Variants in SPNS3 observed in about 807,000 individuals in gnomAD.
The protein encoded by SPNS3 is protein spinster homolog 3.
SPNS3 carries 51 observed loss-of-function variants against 54.4 expected under a neutral mutation model. That is an observed-to-expected ratio of 0.94 (90% CI 0.75 to 1.18). The LOEUF is 1.18. Ranked by LOEUF, SPNS3 falls within the 50% of genes most tolerant of loss-of-function variation. The pLI, the probability that SPNS3 is intolerant of heterozygous loss-of-function variation, is 0.00. For missense variants in SPNS3, 669 were observed against 677.4 expected (o/e 0.99, Z 0.14); for synonymous variants, 309 against 294.7 (o/e 1.05, Z -0.50).
intron 7 of SPNS3, among the ~76,000 whole-genome samples, chr17:4,449,958 C>T (rs868484677): frequency 1.8e-4 from 28 of 152,132 alleles, no homozygotes; most frequent in Admixed American, 3.3e-4. Context: ...GCCTTTGACC[C>T]TGTTCTCCAA....
intron 8 of SPNS3, among the ~76,000 whole-genome samples, chr17:4,455,494 C>T (rs930959767): frequency 1.4e-4 from 21 of 152,192 alleles, no homozygotes; most frequent in Admixed American, 7.2e-4. Context: ...GTTTTGGGGT[C>T]TCTGGCCCTG....
chr17:4,483,165 TG>T lies in SPNS3; in HGVS notation c.1180-3058del, dbSNP rs1182394883. Among the ~76,000 whole-genome samples the T allele has an allele frequency of 1.3e-5, 2 of 152,028 alleles. No individual in the cohort carries two copies. Among genetic ancestry groups the T allele is most frequent in the Non-Finnish European group, 2.9e-5 (2 of 68,000 alleles). The stretch of plus-strand genomic sequence containing the variant: ...GGGGCGTCTGGGGGCGAGGCCTGGG[TG>T]GGGGTGCAGGAGGCAGGCTGCCTGG... On this transcript the variant is annotated intron_variant, in intron 9 of 11. Coordinates refer to ENST00000355530, the MANE Select transcript of SPNS3 (RefSeq NM_182538.5). The surrounding 1 kb of genome is among the most constrained non-coding windows in gnomAD (Gnocchi z 4.2).
chr17:4,454,113 C>G (rs956340352), intron 8 of SPNS3, among the ~76,000 whole-genome samples: 12 of 152,366 alleles, frequency 7.9e-5, no homozygotes, highest in African/African-American at 2.4e-4. Context: ...ACTCTATCCT[C>G]ACACCAGAAT....
chr17:4,484,789 T>C (rs1972266586), intron 9 of SPNS3, among the ~76,000 whole-genome samples: 2 of 151,972 alleles, frequency 1.3e-5, no homozygotes, highest in Admixed American at 6.6e-5. Context: ...CCCTGGGTTC[T>C]GGCAGACTTT....
chr17:4,450,675 C>T (rs537477489), intron 7 of SPNS3, among the ~76,000 whole-genome samples: 1 of 151,974 alleles, frequency 6.6e-6, no homozygotes, highest in East Asian at 1.9e-4. Context: ...TGGCTGACTG[C>T]AGTTTCCACC....
intron 7 of SPNS3, among the ~76,000 whole-genome samples, chr17:4,451,315 G>A (rs935864746): frequency 1.3e-5 from 2 of 150,764 alleles, no homozygotes; most frequent in African/African-American, 2.4e-5. Flanking sequence ...GCAGTAGCAC[G>A]ATCTCGGCTC....
At chr17:4,442,426 G>A (rs1970875771) in intron 2 of SPNS3, among the ~76,000 whole-genome samples, 3 of 152,106 alleles carry the variant, frequency 2.0e-5, no homozygotes, top group South Asian at 4.1e-4. Context: ...CCAGCTACTT[G>A]GGAGGCTGAG....
At chr17:4,448,358 A>C in intron 6 of SPNS3, 55 bp downstream of exon 6, 1 of 1,428,804 alleles carries the variant, frequency 7.0e-7, no homozygotes. Flanking sequence ...TGTCTGCCCC[A>C]GCATCATTGA....
chr17:4,463,759 T>C (rs1370962086), intron 8 of SPNS3, among the ~76,000 whole-genome samples: 5 of 150,974 alleles, frequency 3.3e-5, no homozygotes, highest in African/African-American at 1.2e-4. Context: ...AAAAAGAATA[T>C]ACTTGTACAT....
rs1336805072 is a variant in SPNS3, at chr17:4,439,129, TC to T, written c.200-528del. Among the ~76,000 whole-genome samples, 4 of 150,276 alleles carry T rather than the reference TC, an allele frequency of 2.7e-5. No homozygotes were observed. The East Asian group carries it at 7.8e-4, about 29-fold the overall frequency. On this transcript the variant is annotated intron_variant, in intron 1 of 11. Transcript: ENST00000355530. ...GGATGCTTCTTTCTTTCTTTTTCTT[TC>T]TTTTTTTTTTGAGATGGAGCGTGGC...
chr17:4,441,331 T>G (rs369615611), intron 2 of SPNS3, among the ~76,000 whole-genome samples: 5 of 152,082 alleles, frequency 3.3e-5, no homozygotes, highest in African/African-American at 1.2e-4. Flanking sequence ...GAGACCTGCT[T>G]GGGCAATATA....
At chr17:4,455,818 A>C (rs1449874704) in intron 8 of SPNS3, among the ~76,000 whole-genome samples, 1 of 152,136 alleles carries the variant, frequency 6.6e-6, no homozygotes, top group Non-Finnish European at 1.5e-5. Context: ...TCTTCTATGC[A>C]CGCCCCTCAG....
chr17:4,455,641 G>T (rs1444592321), intron 8 of SPNS3, among the ~76,000 whole-genome samples: 1 of 151,072 alleles, frequency 6.6e-6, no homozygotes, highest in Non-Finnish European at 1.5e-5. Flanking sequence ...GAGCCCTGTA[G>T]GATGTCGGGA....
At chr17:4,484,273 T>C (rs1472143966) in intron 9 of SPNS3, among the ~76,000 whole-genome samples, 2 of 152,220 alleles carry the variant, frequency 1.3e-5, no homozygotes, top group African/African-American at 4.8e-5. Flanking sequence ...CAAGTTGATA[T>C]ATAAAATGTA....
At chr17:4,484,589 G>T (rs1342588365) in intron 9 of SPNS3, among the ~76,000 whole-genome samples, 1 of 152,160 alleles carries the variant, frequency 6.6e-6, no homozygotes, top group East Asian at 1.9e-4. Flanking sequence ...CCAAAGTGCT[G>T]GGATTACAGG....
chr17:4,487,783 G>T (rs1427128624), intron 11 of SPNS3, 23 bp from the exon 12 acceptor site: 1 of 1,611,306 alleles, frequency 6.2e-7, no homozygotes, highest in African/African-American at 1.3e-5. Flanking sequence ...CTTCGGGCAG[G>T]CTGAGCATCT....
intron 8 of SPNS3, among the ~76,000 whole-genome samples, chr17:4,463,943 G>A (rs1306694640): frequency 6.6e-6 from 1 of 152,182 alleles, no homozygotes; most frequent in East Asian, 1.9e-4. Flanking sequence ...AACTGCGTGG[G>A]ACGTGCCTGT....
chr17:4,482,318 C>A (rs1329954040), intron 9 of SPNS3: 2 of 152,158 alleles, frequency 1.3e-5, no homozygotes, highest in African/African-American at 2.4e-5. Flanking sequence ...TTTGAGGGAG[C>A]TTGTGACAAA....
chr17:4,445,239 G>C, intron 3 of SPNS3, 71 bp downstream of exon 3: 1 of 1,485,846 alleles, frequency 6.7e-7, no homozygotes, highest in Non-Finnish European at 9.2e-7. Context: ...ATTCAGCCCC[G>C]TCAGAGCTGC....
Sources: gnomAD v4.1 joint callset for allele counts (sites outside exome capture counted in the v4.1 genomes callset) on GRCh38, gnomAD v4.1.1 for gene constraint, Gnocchi (gnomAD v3.1) non-coding constraint, MANE v1.5 for transcripts, NCBI Gene and HGNC (gene_info 2026-07-23, HGNC 2026-07-21) for gene names.